Variants in PBX3 observed in about 807,000 individuals in gnomAD.
PBX3 encodes the protein pre-B-cell leukemia transcription factor 3.
PBX3 carries 14 observed loss-of-function variants against 48.5 expected under a neutral mutation model. The observed-to-expected ratio is 0.29, with a 90% CI of 0.19 to 0.45. The LOEUF (loss-of-function observed/expected upper bound fraction) is 0.45, where lower values mean the gene tolerates loss of function less well. Ranked by LOEUF, PBX3 falls within the 20% of genes least tolerant of loss-of-function variation. PBX3 has a pLI of 1.00. For missense variants in PBX3, 386 were observed against 546.7 expected (o/e 0.71, Z 2.93); for synonymous variants, 210 against 200.3 (o/e 1.05, Z -0.41).
intron 5 of PBX3, among the ~76,000 whole-genome samples, chr9:125,947,253 G>T (rs1473677258): frequency 6.6e-6 from 1 of 152,078 alleles, no homozygotes; most frequent in Non-Finnish European, 1.5e-5. Context: ...CAAAGAAAAG[G>T]ATAAATATGT....
At chr9:125,955,696 G>T (rs1294725009) in intron 5 of PBX3, among the ~76,000 whole-genome samples, 1 of 152,190 alleles carries the variant, frequency 6.6e-6, no homozygotes, top group Non-Finnish European at 1.5e-5. Flanking sequence ...TGCCTCAGAA[G>T]CCTCCTCTGA....
chr9:125,788,707 T>C (rs1206488644), intron 2 of PBX3, among the ~76,000 whole-genome samples: 1 of 152,080 alleles, frequency 6.6e-6, no homozygotes, highest in Non-Finnish European at 1.5e-5. Context: ...ACCCCGTCTC[T>C]ACTAAAAAAC....
intron 3 of PBX3, among the ~76,000 whole-genome samples, chr9:125,924,447 AT>A (rs1441112942): frequency 1.3e-5 from 2 of 152,166 alleles, no homozygotes; most frequent in Non-Finnish European, 2.9e-5. Flanking sequence ...TGTGAATACT[AT>A]TTTTTGATAT....
chr9:125,922,349 G>A (rs1841475453), intron 3 of PBX3, among the ~76,000 whole-genome samples: 1 of 152,144 alleles, frequency 6.6e-6, no homozygotes, highest in East Asian at 1.9e-4. Context: ...ATTGCAGTGT[G>A]TGTTTTAAAC....
rs1564195039 is a variant in PBX3 at position 125,965,847 on chromosome 9, A to G, written c.1229A>G (p.Gln410Arg). The G allele has an allele frequency of 6.2e-7, 1 of 1,614,020 alleles. No individual in the cohort carries two copies. The highest frequency in any genetic ancestry group is 8.5e-7 in the Non-Finnish European group (1 of 1,179,854). Residue 410 changes from glutamine (Q) to arginine (R), a missense_variant, in exon 9 of 9, where the codon CAG (glutamine) becomes CGG (arginine). By Grantham distance (43) the Gln-to-Arg change is conservative. Coordinates refer to ENST00000373489, the MANE Select transcript of PBX3 (RefSeq NM_006195.6). ...PHNLNANGGWQDATTPSSVTS... is the reference protein window; with the variant it reads ...PHNLNANGGWRDATTPSSVTS... ...TCCTTTCAGGCTAATGGAGGCTGGC[A>G]GGACGCAACAACTCCATCTTCTGTG...
chr9:125,880,124 A>AC (rs1840347789), intron 2 of PBX3, among the ~76,000 whole-genome samples: 1 of 152,136 alleles, frequency 6.6e-6, no homozygotes, highest in South Asian at 2.1e-4. Context: ...GGCTCACTGC[A>AC]CCCTCCGCCT....
chr9:125,791,297 GTCTGTCTATCTATCTATCTA>G (rs1447613756), intron 2 of PBX3, among the ~76,000 whole-genome samples: 112 of 128,054 alleles, frequency 8.7e-4, no homozygotes, highest in Admixed American at 1.5e-3. Context: ...CTGTCTGTCT[GTCTGTCTATCTATCTATCTA>G]TCTATCTATC....
intron 2 of PBX3, among the ~76,000 whole-genome samples, chr9:125,913,879 A>C (rs1187542345): frequency 2.0e-5 from 3 of 152,204 alleles, no homozygotes; most frequent in African/African-American, 4.8e-5. Flanking sequence ...GAAGTCCTCA[A>C]ACAAGAATAA....
intron 5 of PBX3, among the ~76,000 whole-genome samples, chr9:125,946,309 C>T (rs868081288): frequency 6.6e-6 from 1 of 151,862 alleles, no homozygotes; most frequent in South Asian, 2.1e-4. Flanking sequence ...CAAAACAAAA[C>T]AAAAACAAAC....
chr9:125,781,002 G>A (rs1837288416), intron 2 of PBX3, among the ~76,000 whole-genome samples: 1 of 98,746 alleles, frequency 1.0e-5, no homozygotes, highest in South Asian at 3.6e-4. Context: ...TAGATGGGAT[G>A]GCGGCCGGGC....
At chr9:125,894,318 T>C (rs1840719266) in intron 2 of PBX3, among the ~76,000 whole-genome samples, 1 of 152,194 alleles carries the variant, frequency 6.6e-6, no homozygotes, top group African/African-American at 2.4e-5. Flanking sequence ...TAAATTACTT[T>C]GTTGTAGTTT....
chr9:125,911,226 G>C (rs1412102615), intron 2 of PBX3, among the ~76,000 whole-genome samples: 1 of 152,020 alleles, frequency 6.6e-6, no homozygotes, highest in Admixed American at 6.6e-5. Flanking sequence ...CAGATGTCCT[G>C]CCTCCTATTT....
chr9:125,950,417 C>T (rs1437630999), intron 5 of PBX3, among the ~76,000 whole-genome samples: 1 of 151,920 alleles, frequency 6.6e-6, no homozygotes, highest in Non-Finnish European at 1.5e-5. Flanking sequence ...GTTCGGTTCT[C>T]CCATTAAAAG....
At chr9:125,852,299 A>G (rs1267755611) in intron 2 of PBX3, among the ~76,000 whole-genome samples, 2 of 152,192 alleles carry the variant, frequency 1.3e-5, no homozygotes, top group African/African-American at 2.4e-5. Context: ...ATTTAGTGCC[A>G]GATGCTAGAA....
At chr9:125,783,495 C>T (rs1338103843) in intron 2 of PBX3, among the ~76,000 whole-genome samples, 1 of 151,990 alleles carries the variant, frequency 6.6e-6, no homozygotes, top group Non-Finnish European at 1.5e-5. Context: ...ACCACGTTGG[C>T]CAGGCTGGTT....
At chr9:125,830,931 A>T (rs1411567952) in intron 2 of PBX3, among the ~76,000 whole-genome samples, 1 of 152,158 alleles carries the variant, frequency 6.6e-6, no homozygotes, top group African/African-American at 2.4e-5. Context: ...AGAGGGTACA[A>T]TGAACTCCTG....
Position 125,822,961 on chromosome 9 carries a change from TTTG to T in PBX3, c.274+74341_274+74343del, listed in dbSNP as rs577508600. On this transcript the variant is annotated intron_variant, in intron 2 of 8. Transcript: ENST00000373489. ...ATAACTTGTGGGGTTTTTTAGTTTT[TTTG>T]TTTTGTTTGCTAAGTAGCTAAAAAA... Among the ~76,000 whole-genome samples the T allele has an allele frequency of 9.1e-3, 1,376 of 151,850 alleles. 18 individuals are homozygous for T. Among genetic ancestry groups the T allele is most frequent in the African/African-American group, 0.03 (1,249 of 41,280 alleles).
At chr9:125,934,087 A>G (rs1841782170) in intron 4 of PBX3, among the ~76,000 whole-genome samples, 1 of 152,118 alleles carries the variant, frequency 6.6e-6, no homozygotes, top group Admixed American at 6.5e-5. Flanking sequence ...TAATCCCCAA[A>G]TACATCTTGA....
intron 2 of PBX3, among the ~76,000 whole-genome samples, chr9:125,848,279 C>T (rs760135158): frequency 9.2e-5 from 14 of 152,048 alleles, no homozygotes; most frequent in Non-Finnish European, 8.8e-5. Flanking sequence ...GGTATAGTCT[C>T]TTGATTCCAG....
Sources: gnomAD v4.1 joint callset for allele counts (sites outside exome capture counted in the v4.1 genomes callset) on GRCh38, gnomAD v4.1.1 for gene constraint, MANE v1.5 for transcripts, NCBI Gene and HGNC (gene_info 2026-07-23, HGNC 2026-07-21) for gene names.